ALOXE3: variants seen among roughly 807,000 people sequenced by gnomAD.
ALOXE3 encodes hydroperoxide isomerase ALOXE3.
In ALOXE3, 78 loss-of-function variants were observed where a neutral mutation model predicts 87.5. That is an observed-to-expected ratio of 0.89 (90% CI 0.74 to 1.08). The LOEUF is 1.08. Among genes scored for constraint, ALOXE3 ranks in the 50% least tolerant of loss-of-function variants. The pLI is 0.00. For synonymous variants in ALOXE3, 363 were observed against 370.8 expected (o/e 0.98, Z 0.24); for missense variants, 946 against 912.4 (o/e 1.04, Z -0.47).
chr17:8,117,867 C>G lies in ALOXE3; in HGVS notation c.124G>C (p.Gly42Arg). 1 of 1,611,592 alleles carries G rather than the reference C, an allele frequency of 6.2e-7. No individual in the cohort carries two copies. Among genetic ancestry groups the G allele is most frequent in the Non-Finnish European group, 8.5e-7 (1 of 1,179,654 alleles). Residue 42 changes from glycine to arginine, a missense_variant, in exon 2 of 16, where the codon GGC becomes CGC. Physicochemically the swap from Gly to Arg is moderately radical, Grantham distance 125. Transcript: ENST00000448843. Reference protein sequence around the residue: ...ESPKQRLDRMGRDFAPGSVQK... With the variant: ...ESPKQRLDRMRRDFAPGSVQK... ...ACCGATCCAGGGGCGAAGTCCCTGCCCATTCGATCTAGCCGCTGCTTGGGG... is the reference window on the plus strand; with the variant it reads ...ACCGATCCAGGGGCGAAGTCCCTGCGCATTCGATCTAGCCGCTGCTTGGGG...
chr17:8,107,949 G>GA (rs1232512696), intron 13 of ALOXE3, among the ~76,000 whole-genome samples: 1 of 3,908 alleles, frequency 2.6e-4, no homozygotes, highest in Admixed American at 2.4e-3. Context: ...AAGAAAGAAA[G>GA]AAAGAAAGAA....
At chr17:8,106,686 C>T (rs1476481557) in intron 13 of ALOXE3, among the ~76,000 whole-genome samples, 2 of 151,808 alleles carry the variant, frequency 1.3e-5, no homozygotes, top group African/African-American at 2.4e-5. Flanking sequence ...ATTATCCGGG[C>T]GTGGTAGTGT....
chr17:8,118,685 G>T (rs1223658218), upstream of ALOXE3: 1 of 1,537,144 alleles, frequency 6.5e-7, no homozygotes, highest in Non-Finnish European at 8.7e-7. Context: ...CCAGCCTTTG[G>T]CACGCCCGAC....
intron 8 of ALOXE3, among the ~76,000 whole-genome samples, chr17:8,111,101 A>G (rs1052628840): frequency 6.6e-6 from 1 of 152,082 alleles, no homozygotes; most frequent in Non-Finnish European, 1.5e-5. Flanking sequence ...TTCCTCAAAG[A>G]TGTCCCTGCA....
chr17:8,118,751 A>G, upstream of ALOXE3: 1 of 1,537,308 alleles, frequency 6.5e-7, no homozygotes. Context: ...AGCGCCGGCA[A>G]ACAGGGTCTG....
At chr17:8,108,407 T>C (rs1979693978) in intron 13 of ALOXE3, 61 bp downstream of exon 13, 23 of 1,598,366 alleles carry the variant, frequency 1.4e-5, no homozygotes, top group Middle Eastern at 1.8e-4. Flanking sequence ...GGGAGTAGGG[T>C]GTGGCCAAGC....
chr17:8,096,144 G>C lies in ALOXE3; in HGVS notation c.*483C>G. ...TAGGGACAAAGGGGACCACATGTTA[G>C]ACCCAGGCACACAGTCCTTCTGTGC... On this transcript the variant is annotated 3_prime_UTR_variant, in exon 16 of 16. Transcript: ENST00000448843. The C allele has an allele frequency of 5.9e-6, 1 of 168,866 alleles. No individual in the cohort carries two copies. Among genetic ancestry groups the C allele is most frequent in the Non-Finnish European group, 1.3e-5 (1 of 77,342 alleles). The allele number at this position is 168,866 out of a possible 1,614,324, so 10.5% of individuals were successfully genotyped here. A position where few individuals can be genotyped will look rare whatever the true frequency, so the allele number is the denominator to read the frequency against.
chr17:8,096,685 A>G lies in ALOXE3; in HGVS notation c.2078T>C (p.Leu693Pro). The stretch of plus-strand genomic sequence containing the variant: ...GTCCAGGTAGGTGTAGGGCAGTGCC[A>G]GACCCTGGTTCCGCTCCTGGATGTC... ...SRDIQERNQG[L>P]ALPYTYLDPP... Residue 693 changes from leucine to proline, a missense_variant, in exon 16 of 16, where the codon CTG (leucine) becomes CCG (proline). Physicochemically the swap from Leu to Pro is moderately conservative, Grantham distance 98 (BLOSUM62 -3). Transcript: ENST00000448843. 6.3e-7 allele frequency: 1 copy of G among 1,585,164 alleles called. No homozygotes were observed. The highest frequency in any genetic ancestry group is 8.7e-7 in the Non-Finnish European group (1 of 1,153,722).
chr17:8,107,998 G>GGAAGGAAA lies in ALOXE3; in HGVS notation c.1684+469_1684+470insTTTCCTTC, dbSNP rs1555647120. Among the ~76,000 whole-genome samples, 6 of 6,570 alleles carry GGAAGGAAA rather than the reference G, an allele frequency of 9.1e-4. 3 individuals are homozygous for GGAAGGAAA. The highest frequency in any genetic ancestry group is 1.9e-3 in the Non-Finnish European group (4 of 2,062). 4.3% of individuals were successfully genotyped at this position (6,570 alleles called of 152,430 possible). A position where few individuals can be genotyped will look rare whatever the true frequency, so the allele number is the denominator to read the frequency against. ...AGAGAGAGAGAAAGAAAGAAAGGAAGGAAAGAAAGAAAGAAAGAAAGAAAG... is the reference window on the plus strand; with the variant it reads ...AGAGAGAGAGAAAGAAAGAAAGGAAGGAAGGAAAGAAAGAAAGAAAGAAAGAAAGAAAG... On this transcript the variant is annotated intron_variant, in intron 13 of 15. Transcript: ENST00000448843.
intron 4 of ALOXE3, among the ~76,000 whole-genome samples, 153 bp from the exon 5 acceptor site, chr17:8,115,210 C>T (rs1287727116): frequency 2.6e-5 from 4 of 152,234 alleles, no homozygotes; most frequent in Non-Finnish European, 5.9e-5. Flanking sequence ...AAAGCACTGG[C>T]TTCACATAGG....
Position 8,110,256 on chromosome 17 carries a change from G to A in ALOXE3, c.1141C>T (p.Pro381Ser), listed in dbSNP as rs1278568395. 4.3e-6 allele frequency: 7 copies of A among 1,613,966 alleles called. No individual in the cohort carries two copies. The East Asian group carries it at 8.9e-5, about 21-fold the overall frequency. The change falls in exon 10 of 16, where the codon CCC (proline) becomes TCC (serine). Residue 381 changes from proline to serine, a missense_variant. Physicochemically the swap from Pro to Ser is moderately conservative, Grantham distance 74. Coordinates refer to ENST00000448843, the MANE Select transcript of ALOXE3 (RefSeq NM_021628.3). ...AGCCAGTCCCATTCGGAGTCAGTGG[G>A]CAGGAAGATGGGGCTGTCAGGCCCG... is the stretch of plus-strand genomic sequence containing the variant. ...TPGPDSPIFL[P>S]TDSEWDWLLA...
chr17:8,098,982 C>A (rs913785604), intron 15 of ALOXE3, among the ~76,000 whole-genome samples: 1 of 150,972 alleles, frequency 6.6e-6, no homozygotes, highest in African/African-American at 2.4e-5. Flanking sequence ...ACCCGAGTAG[C>A]TGGGATCACA....
intron 13 of ALOXE3, among the ~76,000 whole-genome samples, chr17:8,105,955 C>G (rs7210393): frequency 1.4e-5 from 2 of 138,492 alleles, no homozygotes; most frequent in Admixed American, 7.8e-5. Flanking sequence ...TAGGAAGGCA[C>G]GGGGTATTAA....
chr17:8,111,373 G>A lies in ALOXE3; in HGVS notation c.943C>T (p.Gln315Ter). Residue 315 changes from glutamine (Q) to a stop codon, truncating the protein, a stop_gained, in exon 8 of 16, where the codon CAG becomes TAG. Transcript: ENST00000448843. LOFTEE classifies it high-confidence loss of function. ...TCCTTACCCACCTCTAGCTCTGTCT[G>A]CAGGCATGTGTCCTGTCCCAGCAAG... is the stretch of plus-strand genomic sequence containing the variant. ...APLLGQDTCL[Q>*]TELERGNIFL... The A allele has an allele frequency of 1.9e-6, 3 of 1,613,344 alleles. No homozygotes were observed. Among genetic ancestry groups the A allele is most frequent in the Non-Finnish European group, 2.5e-6 (3 of 1,180,022 alleles).
chr17:8,110,623 G>A, intron 8 of ALOXE3, 95 bp from the exon 9 acceptor site: 2 of 1,558,574 alleles, frequency 1.3e-6, no homozygotes, highest in Non-Finnish European at 1.8e-6. Flanking sequence ...GAGGAGCTGA[G>A]GCCCCCAGCT....
At chr17:8,109,856 G>T in intron 11 of ALOXE3, 60 bp downstream of exon 11, 1 of 1,489,536 alleles carries the variant, frequency 6.7e-7, no homozygotes, top group Non-Finnish European at 9.1e-7. Flanking sequence ...GCTTGGGGGC[G>T]GGTAGCGGGG....
At chr17:8,107,184 T>A (rs1345803246) in intron 13 of ALOXE3, among the ~76,000 whole-genome samples, 1 of 152,060 alleles carries the variant, frequency 6.6e-6, no homozygotes, top group East Asian at 1.9e-4. Context: ...TGATCATGAT[T>A]AATAGCAGGT....
chr17:8,113,702 G>A (rs1433849229), intron 6 of ALOXE3, among the ~76,000 whole-genome samples: 5 of 151,804 alleles, frequency 3.3e-5, no homozygotes, highest in African/African-American at 7.3e-5. Flanking sequence ...ACAAGTAGGC[G>A]TGTGGCAATA....
chr17:8,109,155 C>A lies in ALOXE3; in HGVS notation c.1562+19G>T. 1 of 1,611,740 alleles carries A rather than the reference C, an allele frequency of 6.2e-7. No homozygotes were observed. The highest frequency in any genetic ancestry group is 1.1e-5 in the South Asian group (1 of 91,018). Reference sequence around the variant, plus strand: ...AGGAGACCCTGGTGGGACTGCTGGTCCCGCCCCGCACCTCGCACCTCTCAA... The same window carrying A: ...AGGAGACCCTGGTGGGACTGCTGGTACCGCCCCGCACCTCGCACCTCTCAA... On this transcript the variant is annotated intron_variant, in intron 12 of 15. Transcript: ENST00000448843.
Sources: gnomAD v4.1 joint callset for allele counts (sites outside exome capture counted in the v4.1 genomes callset) on GRCh38, gnomAD v4.1.1 for gene constraint, MANE v1.5 for transcripts, NCBI Gene and HGNC (gene_info 2026-07-23, HGNC 2026-07-21) for gene names.